The following COL14A1 variants were observed in gnomAD, a reference collection of about 807,000 sequenced individuals.
COL14A1 encodes collagen alpha-1(XIV) chain.
A neutral mutation model predicts 230.3 loss-of-function variants in COL14A1; 136 were observed. The observed-to-expected ratio is 0.59, with a 90% CI of 0.51 to 0.68. COL14A1 has a LOEUF of 0.68. Ranked by LOEUF, COL14A1 falls within the 30% of genes least tolerant of loss-of-function variation. The pLI is 0.00. For synonymous variants in COL14A1, 792 were observed against 784.1 expected, an observed-to-expected ratio of 1.01 and a Z score of -0.17; for missense variants, 1,976 against 2,215.8, an observed-to-expected ratio of 0.89 and a Z score of 2.17.
At chr8:120,371,058 A>G in intron 47 of COL14A1, 94 bp from the exon 48 acceptor site, 1 of 1,156,240 alleles carries the variant, frequency 8.6e-7, no homozygotes. Flanking sequence ...ACCCAGCAGG[A>G]TATCTCTGTG....
At chr8:120,203,160 T>C (rs1378622624) in intron 8 of COL14A1, among the ~76,000 whole-genome samples, 1 of 151,926 alleles carries the variant, frequency 6.6e-6, no homozygotes, top group Non-Finnish European at 1.5e-5. Context: ...TTTTATTAAG[T>C]CATCTTCCTG....
chr8:120,308,077 G>A (rs571067650), intron 36 of COL14A1, among the ~76,000 whole-genome samples: 97 of 152,348 alleles, frequency 6.4e-4, no homozygotes, highest in African/African-American at 2.3e-3. Flanking sequence ...TGCCTCCTGG[G>A]TTTAAGCGAT....
intron 26 of COL14A1, among the ~76,000 whole-genome samples, chr8:120,272,139 T>G: frequency 6.6e-6 from 1 of 151,758 alleles, no homozygotes; most frequent in East Asian, 1.9e-4. Context: ...GGGTCCTATT[T>G]TTAGCCTCCT....
chr8:120,331,481 A>C (rs1821863044), intron 40 of COL14A1, among the ~76,000 whole-genome samples: 1 of 151,936 alleles, frequency 6.6e-6, no homozygotes, highest in Non-Finnish European at 1.5e-5. Flanking sequence ...TTTAACACTT[A>C]ACATAAAAAT....
chr8:120,370,366 G>A (rs773697642), intron 47 of COL14A1: 1 of 1,611,750 alleles, frequency 6.2e-7, no homozygotes, highest in Non-Finnish European at 8.5e-7. Flanking sequence ...TACCAGCACT[G>A]AAGTGGAAAT....
intron 45 of COL14A1, among the ~76,000 whole-genome samples, chr8:120,350,553 C>A (rs1215924851): frequency 2.0e-3 from 295 of 150,710 alleles, no homozygotes; most frequent in Middle Eastern, 3.4e-3. Context: ...TCTACCAAGC[C>A]AATGGAAAAC....
intron 5 of COL14A1, among the ~76,000 whole-genome samples, chr8:120,175,174 C>A (rs1040300303): frequency 2.0e-5 from 3 of 152,190 alleles, no homozygotes; most frequent in African/African-American, 4.8e-5. Flanking sequence ...TGTTTCCAAT[C>A]TACTGTACAT....
Position 120,332,650 on chromosome 8 carries a change from T to C in COL14A1, c.4714-14T>C, listed in dbSNP as rs758268104. On this transcript the variant is annotated splice_polypyrimidine_tract_variant and intron_variant, in intron 41 of 47. Coordinates refer to ENST00000297848, the MANE Select transcript of COL14A1 (RefSeq NM_021110.4). ...GATTCCTGACTTTGTTCCATTTTCC[T>C]ACCTCTCTTCTAGGGCATTCCTGGC... 9 of 1,607,750 alleles carry C rather than the reference T, an allele frequency of 5.6e-6. No homozygotes were observed. Among genetic ancestry groups the C allele is most frequent in the Non-Finnish European group, 7.7e-6 (9 of 1,176,220 alleles).
At chr8:120,332,851 T>G in intron 42 of COL14A1, 116 bp downstream of exon 42, 1 of 721,210 alleles carries the variant, frequency 1.4e-6, no homozygotes, top group Non-Finnish European at 2.2e-6. Flanking sequence ...CTGGACTCTA[T>G]GGAAATTCAT....
chr8:120,143,354 C>A (rs1419277281), intron 1 of COL14A1, among the ~76,000 whole-genome samples: 6 of 152,184 alleles, frequency 3.9e-5, no homozygotes, highest in African/African-American at 1.4e-4. Flanking sequence ...CACAGTGGCT[C>A]ACGCCTGTAA....
rs1219154136 is a variant in COL14A1, at chr8:120,373,301, T to C, written c.*2070T>C. 6.6e-6 allele frequency among the ~76,000 whole-genome samples: 1 copy of C among 152,220 alleles called. No individual in the cohort carries two copies. Among genetic ancestry groups the C allele is most frequent in the African/African-American group, 2.4e-5 (1 of 41,464 alleles). ...CTTTGATTTCACTTGGTGATCTAAA[T>C]TTGTTTATTTAAGCTGCAAGAAAGT... On this transcript the variant is annotated 3_prime_UTR_variant, in exon 48 of 48. Transcript: ENST00000297848.
chr8:120,158,370 G>A (rs1351987875), intron 3 of COL14A1, 124 bp downstream of exon 3: 7 of 683,014 alleles, frequency 1.0e-5, no homozygotes, highest in Non-Finnish European at 1.8e-5. Context: ...TTAATCTTCA[G>A]TGTTTAAAAT....
chr8:120,173,735 AG>A (rs1177576229), intron 5 of COL14A1, among the ~76,000 whole-genome samples: 1 of 151,672 alleles, frequency 6.6e-6, no homozygotes, highest in Admixed American at 6.6e-5. Flanking sequence ...CCCATACCAC[AG>A]GGTTTATTTT....
At chr8:120,174,076 A>G (rs541286249) in intron 5 of COL14A1, among the ~76,000 whole-genome samples, 2 of 152,330 alleles carry the variant, frequency 1.3e-5, no homozygotes, top group African/African-American at 2.4e-5. Context: ...AAAGTCTACA[A>G]AAGGATGACA....
At chr8:120,163,690 A>C (rs1185626759) in intron 4 of COL14A1, among the ~76,000 whole-genome samples, 1 of 152,036 alleles carries the variant, frequency 6.6e-6, no homozygotes, top group Non-Finnish European at 1.5e-5. Context: ...TTGAACCCAG[A>C]AGGTGGAGGT....
chr8:120,245,001 C>T (rs1033659658), intron 20 of COL14A1, among the ~76,000 whole-genome samples: 1 of 152,150 alleles, frequency 6.6e-6, no homozygotes, highest in Non-Finnish European at 1.5e-5. Flanking sequence ...ATTCATACCT[C>T]CCTGTCTGCT....
chr8:120,152,336 G>A (rs934701312), intron 2 of COL14A1, among the ~76,000 whole-genome samples: 3 of 151,660 alleles, frequency 2.0e-5, no homozygotes, highest in African/African-American at 4.8e-5. Context: ...GGTGGCGGGC[G>A]CCTGTAGTCT....
Position 120,209,921 on chromosome 8 carries a change from T to C in COL14A1, c.1467+20T>C, listed in dbSNP as rs1817571202. 1 of 1,549,784 alleles carries C rather than the reference T, an allele frequency of 6.5e-7. No homozygotes were observed. The highest frequency in any genetic ancestry group is 2.3e-5 in the East Asian group (1 of 43,646). ...AAAGAGGTAACCACTTCCTACCTATTACAGTCCTAGAATCTTTTATTTCCT... is the reference window on the plus strand; with the variant it reads ...AAAGAGGTAACCACTTCCTACCTATCACAGTCCTAGAATCTTTTATTTCCT... On this transcript the variant is annotated intron_variant, in intron 12 of 47. Coordinates refer to ENST00000297848, the MANE Select transcript of COL14A1 (RefSeq NM_021110.4).
intron 45 of COL14A1, among the ~76,000 whole-genome samples, chr8:120,353,849 T>C (rs1386353267): frequency 1.3e-5 from 2 of 151,916 alleles, no homozygotes; most frequent in Non-Finnish European, 2.9e-5. Flanking sequence ...CTCAGGAATC[T>C]AGAACTGGAG....
Sources: allele counts gnomAD v4.1 joint callset (sites outside exome capture counted in the v4.1 genomes callset), GRCh38; gene constraint gnomAD v4.1.1; transcripts MANE v1.5; gene names NCBI Gene and HGNC (gene_info 2026-07-23, HGNC 2026-07-21).